MTRES1: variants seen among roughly 807,000 people sequenced by gnomAD.
MTRES1 encodes uncharacterized protein C6orf203.
MTRES1 carries 11 observed loss-of-function variants against 17.4 expected under a neutral mutation model. That is an observed-to-expected ratio of 0.63 (90% CI 0.40 to 1.05). The LOEUF (loss-of-function observed/expected upper bound fraction) is 1.05. MTRES1 is among the 50% of genes least tolerant of loss of function. MTRES1 has a pLI of 0.00. For missense variants in MTRES1, 268 were observed against 276.2 expected (o/e 0.97, Z 0.21); for synonymous variants, 94 against 99.6 (o/e 0.94, Z 0.34).
At chr6:107,050,600 G>A (rs1446920308) in intron 3 of MTRES1, among the ~76,000 whole-genome samples, 3 of 116,854 alleles carry the variant, frequency 2.6e-5, no homozygotes, top group African/African-American at 6.5e-5. Flanking sequence ...TTTTTGAGAT[G>A]GAGTCTCCCT....
intron 3 of MTRES1, among the ~76,000 whole-genome samples, chr6:107,044,574 T>C (rs1471572199): frequency 6.6e-6 from 1 of 152,188 alleles, no homozygotes; most frequent in Non-Finnish European, 1.5e-5. Context: ...AATACACCAC[T>C]GTTAGAACTG....
intron 1 of MTRES1, among the ~76,000 whole-genome samples, chr6:107,029,313 G>A (rs1582587030): frequency 6.7e-6 from 1 of 149,412 alleles, no homozygotes; most frequent in African/African-American, 2.5e-5. Flanking sequence ...TCAGCCTCCC[G>A]AGTAGCTGGG....
intron 1 of MTRES1, among the ~76,000 whole-genome samples, chr6:107,039,076 A>G (rs1774099790): frequency 6.6e-6 from 1 of 152,138 alleles, no homozygotes; most frequent in African/African-American, 2.4e-5. Flanking sequence ...TAATAAATAA[A>G]AAAACAAACA....
intron 3 of MTRES1, among the ~76,000 whole-genome samples, chr6:107,050,749 T>G (rs1665934): frequency 0.94 from 142,701 of 151,860 alleles, 67,344 homozygotes; most frequent in East Asian, 1. Flanking sequence ...GCTAATTTTT[T>G]TATTTTTAGT....
At chr6:107,029,344 C>G (rs369343108) in intron 1 of MTRES1, among the ~76,000 whole-genome samples, 10 of 152,138 alleles carry the variant, frequency 6.6e-5, no homozygotes, top group Non-Finnish European at 1.5e-4. Context: ...CCTGCCACCA[C>G]GCCCGGCTAA....
chr6:107,050,551 C>CTTTTTT (rs142268482), intron 3 of MTRES1, among the ~76,000 whole-genome samples: 676 of 81,336 alleles, frequency 8.3e-3, no homozygotes, highest in East Asian at 0.027. Context: ...CTCTCCCTTT[C>CTTTTTT]TTTTTTTTTT....
chr6:107,040,233 G>T lies in MTRES1; in HGVS notation c.470+3G>T. 2 of 1,581,938 alleles carry T rather than the reference G, an allele frequency of 1.3e-6. No homozygotes were observed. The highest frequency in any genetic ancestry group is 2.4e-5 in the South Asian group (2 of 84,720). ...ACGGGGCTAGATATTGGGAGAAAGT[G>T]AGTATGATACGCATTTCATTATAAA... On this transcript the variant is annotated splice_donor_region_variant and intron_variant, in intron 2 of 3. Coordinates refer to ENST00000311381, the MANE Select transcript of MTRES1 (RefSeq NM_016487.5).
At chr6:107,039,073 TA>T (rs1367233842) in intron 1 of MTRES1, among the ~76,000 whole-genome samples, 1 of 151,974 alleles carries the variant, frequency 6.6e-6, no homozygotes, top group South Asian at 2.1e-4. Context: ...TAATAATAAA[TA>T]AAAAAACAAA....
intron 1 of MTRES1, among the ~76,000 whole-genome samples, chr6:107,038,985 C>T (rs1364121411): frequency 6.6e-6 from 1 of 151,822 alleles, no homozygotes; most frequent in Non-Finnish European, 1.5e-5. Context: ...ACCCAGGAGG[C>T]GGAGGTTGCA....
At position 107,049,783 on chromosome 6, in the gene MTRES1, G is replaced by A. The variant is rs184928864; in HGVS notation, c.544-1274G>A. Among the ~76,000 whole-genome samples the A allele has an allele frequency of 5.2e-4, 77 of 148,144 alleles. 1 individual carries two copies. The East Asian group carries it at 0.013, about 24-fold the overall frequency. ...GTCGCCCAGGCTGGAGTGCAATGGC[G>A]CCATCTTGGTTCACCGCAACCTCTG... On this transcript the variant is annotated intron_variant, in intron 3 of 3. Transcript: ENST00000311381.
intron 2 of MTRES1, among the ~76,000 whole-genome samples, chr6:107,042,736 AG>A (rs1774261078): frequency 6.6e-6 from 1 of 152,088 alleles, no homozygotes; most frequent in African/African-American, 2.4e-5. Flanking sequence ...TCTGAGGGGA[AG>A]GAAGTGCCCA....
chr6:107,044,121 CA>C (rs1183920591), intron 2 of MTRES1, 138 bp from the exon 3 acceptor site: 4 of 609,772 alleles, frequency 6.6e-6, no homozygotes, highest in African/African-American at 5.8e-5. Flanking sequence ...GACTTTGTCT[CA>C]AAAAACAAAC....
chr6:107,042,638 C>T (rs1326894303), intron 2 of MTRES1, among the ~76,000 whole-genome samples: 1 of 152,188 alleles, frequency 6.6e-6, no homozygotes. Context: ...GGAATCTCCC[C>T]AGCCTCAGTA....
At chr6:107,048,379 C>A (rs1052066579) in intron 3 of MTRES1, among the ~76,000 whole-genome samples, 2 of 151,950 alleles carry the variant, frequency 1.3e-5, no homozygotes, top group Non-Finnish European at 1.5e-5. Flanking sequence ...GTGATCCACC[C>A]TCAGCCTCCC....
At position 107,051,505 on chromosome 6, in the gene MTRES1, G is replaced by A. The variant is rs1321477871; in HGVS notation, c.*269G>A. 6.6e-6 allele frequency among the ~76,000 whole-genome samples: 1 copy of A among 152,180 alleles called. No homozygotes were observed. The highest frequency in any genetic ancestry group is 1.5e-5 in the Non-Finnish European group (1 of 68,036). ...CGTGTGCAGAATGAACTAAGCCCCA[G>A]AGGGTTTTAATGGCTTGCCTGCTGT... On this transcript the variant is annotated 3_prime_UTR_variant, in exon 4 of 4. Coordinates refer to ENST00000311381, the MANE Select transcript of MTRES1 (RefSeq NM_016487.5).
intron 1 of MTRES1, among the ~76,000 whole-genome samples, chr6:107,031,894 T>C (rs1773857456): frequency 6.6e-6 from 1 of 151,990 alleles, no homozygotes; most frequent in Non-Finnish European, 1.5e-5. Context: ...AGCCACCGTG[T>C]CCGGCCAGCA....
At chr6:107,050,551 C>CTTTTTTTTTTTTTTTTTTTTTTTTTTT (rs142268482) in intron 3 of MTRES1, among the ~76,000 whole-genome samples, 4 of 81,496 alleles carry the variant, frequency 4.9e-5, no homozygotes, top group African/African-American at 1.0e-4. Context: ...CTCTCCCTTT[C>CTTTTTTTTTTTTTTTTTTTTTTTTTTT]TTTTTTTTTT....
rs1774593333 is a variant in MTRES1 at position 107,051,187 on chromosome 6, T to TA, written c.675dup (p.Arg226ThrfsTer10). 9.9e-6 allele frequency: 16 copies of TA among 1,613,964 alleles called. No homozygotes were observed. The highest frequency in any genetic ancestry group is 1.4e-5 in the Non-Finnish European group (16 of 1,180,022). Reference sequence around the variant, plus strand: ...GAAAGTGAAAAATACAGAGTGGTGTTACGGCGGTGGAAAAGTTTAAAGTTG... The same window carrying TA: ...GAAAGTGAAAAATACAGAGTGGTGTTAACGGCGGTGGAAAAGTTTAAAGTTG... On this transcript the variant is annotated frameshift_variant, in exon 4 of 4. Coordinates refer to ENST00000311381, the MANE Select transcript of MTRES1 (RefSeq NM_016487.5). LOFTEE classifies it high-confidence loss of function.
chr6:107,042,356 A>AG (rs1562282549), intron 2 of MTRES1, among the ~76,000 whole-genome samples: 2 of 148,474 alleles, frequency 1.3e-5, no homozygotes, highest in South Asian at 4.2e-4. Context: ...AAAAAAAAAA[A>AG]AGGTTCATAA....
Sources: gnomAD v4.1 joint callset for allele counts (sites outside exome capture counted in the v4.1 genomes callset) on GRCh38, gnomAD v4.1.1 for gene constraint, MANE v1.5 for transcripts, NCBI Gene and HGNC (gene_info 2026-07-23, HGNC 2026-07-21) for gene names.